The following WDFY4 variants were observed in gnomAD, a reference collection of about 807,000 sequenced individuals.
The protein encoded by WDFY4 is WDFY family member 4.
Under a neutral mutation model 351.9 loss-of-function variants are expected in WDFY4, and 169 were observed. The ratio of observed to expected loss-of-function variants is 0.48; its 90% CI spans 0.42 to 0.55. WDFY4 has a LOEUF of 0.55. WDFY4 is among the 20% of genes least tolerant of loss of function. The pLI is 0.00. For synonymous variants in WDFY4, 1,622 were observed against 1,574.6 expected (o/e 1.03, Z -0.71); for missense variants, 3,803 against 3,935.6 (o/e 0.97, Z 0.90).
chr10:48,914,717 C>T (rs1302044368), intron 47 of WDFY4, among the ~76,000 whole-genome samples: 2 of 152,170 alleles, frequency 1.3e-5, no homozygotes, highest in East Asian at 3.8e-4. Flanking sequence ...TTCTCACATC[C>T]CTCTTCCCCT....
At chr10:48,887,183 A>C (rs781108193) in intron 43 of WDFY4, among the ~76,000 whole-genome samples, 1 of 152,256 alleles carries the variant, frequency 6.6e-6, no homozygotes, top group Non-Finnish European at 1.5e-5. Context: ...ACCCTGGTGC[A>C]GGCACCATGG....
At chr10:48,931,031 A>T (rs1839966514) in intron 47 of WDFY4, among the ~76,000 whole-genome samples, 1 of 152,004 alleles carries the variant, frequency 6.6e-6, no homozygotes, top group Non-Finnish European at 1.5e-5. Flanking sequence ...CCTGCAACAG[A>T]TATAAAATCT....
At chr10:48,913,751 G>A (rs143092104) in intron 47 of WDFY4, 250 of 1,613,854 alleles carry the variant, frequency 1.5e-4, no homozygotes, top group African/African-American at 9.5e-4. Flanking sequence ...TGGTGGGCAC[G>A]CTGTCCAGGT....
intron 1 of WDFY4, among the ~76,000 whole-genome samples, chr10:48,707,159 A>G (rs1352838860): frequency 6.6e-6 from 1 of 152,230 alleles, no homozygotes; most frequent in East Asian, 1.9e-4. Context: ...GCTAACAGGC[A>G]TGTAAAGGGA....
At chr10:48,705,435 C>T (rs2063600969) in intron 1 of WDFY4, among the ~76,000 whole-genome samples, 1 of 152,160 alleles carries the variant, frequency 6.6e-6, no homozygotes, top group South Asian at 2.1e-4. Context: ...TCCCTTTTCA[C>T]CCTGGATAAG....
intron 51 of WDFY4, among the ~76,000 whole-genome samples, chr10:48,956,423 C>T (rs994465865): frequency 6.6e-6 from 1 of 152,172 alleles, no homozygotes; most frequent in Non-Finnish European, 1.5e-5. Context: ...CTCCTTCCTG[C>T]CCACGTCTCT....
At chr10:48,835,496 G>A (rs149579161) in intron 39 of WDFY4, among the ~76,000 whole-genome samples, 29 of 152,052 alleles carry the variant, frequency 1.9e-4, no homozygotes, top group African/African-American at 5.1e-4. Flanking sequence ...GGAGTCACCC[G>A]CAGCCACCCC....
intron 39 of WDFY4, among the ~76,000 whole-genome samples, chr10:48,857,068 G>A (rs896313288): frequency 5.9e-5 from 9 of 152,156 alleles, no homozygotes; most frequent in African/African-American, 1.9e-4. Flanking sequence ...AAATACTCAT[G>A]CCAATAACTG....
In WDFY4 at chr10:48,974,519, A is replaced by AAACAAC. The variant is rs1554824241; in HGVS notation, c.8929-341_8929-340insCAACAA. Among the ~76,000 whole-genome samples, 4 of 49,924 alleles carry AAACAAC rather than the reference A, an allele frequency of 8.0e-5. 1 individual carries two copies. Among genetic ancestry groups the AAACAAC allele is most frequent in the African/African-American group, 1.4e-4 (2 of 14,214 alleles). 32.8% of individuals were successfully genotyped at this position (49,924 alleles called of 152,430 possible). The stretch of plus-strand genomic sequence containing the variant: ...CTCCGTCTCAAAAAAAAAAAAAAAA[A>AAACAAC]AAAAAAAAAACAACTCATGACATGA... On this transcript the variant is annotated intron_variant, in intron 57 of 61. Coordinates refer to ENST00000325239, the MANE Select transcript of WDFY4 (RefSeq NM_001394531.1).
chr10:48,714,859 T>G (rs1392168613), intron 2 of WDFY4, among the ~76,000 whole-genome samples: 1 of 152,132 alleles, frequency 6.6e-6, no homozygotes. Context: ...AGATTAGAGG[T>G]GCTGTGAATG....
intron 41 of WDFY4, 145 bp from the exon 42 acceptor site, chr10:48,874,944 G>A: frequency 2.5e-6 from 1 of 406,576 alleles, no homozygotes; most frequent in East Asian, 4.0e-5. Context: ...AGGATTTAGT[G>A]TTTCTCTCCC....
intron 35 of WDFY4, 104 bp from the exon 36 acceptor site, chr10:48,826,567 A>G: frequency 1.2e-6 from 1 of 826,590 alleles, no homozygotes. Context: ...GCGGTAAGCC[A>G]TGTCACTTTT....
intron 1 of WDFY4, among the ~76,000 whole-genome samples, chr10:48,697,168 C>T (rs2132120666): frequency 6.6e-6 from 1 of 152,348 alleles, no homozygotes; most frequent in South Asian, 2.1e-4. Flanking sequence ...GCCTGGAACA[C>T]TCAGGTCTCA....
chr10:48,981,133 A>T (rs1424433786), intron 60 of WDFY4, among the ~76,000 whole-genome samples: 1 of 152,226 alleles, frequency 6.6e-6, no homozygotes, highest in Non-Finnish European at 1.5e-5. Flanking sequence ...TTGGTACACA[A>T]TGGATACCGA....
chr10:48,952,692 G>A (rs548833859), intron 51 of WDFY4, among the ~76,000 whole-genome samples: 2 of 152,204 alleles, frequency 1.3e-5, no homozygotes, highest in South Asian at 2.1e-4. Context: ...TGCAGGCAGC[G>A]TGGTTTCAGC....
At chr10:48,756,369 G>A (rs892283896) in intron 12 of WDFY4, among the ~76,000 whole-genome samples, 3 of 150,904 alleles carry the variant, frequency 2.0e-5, no homozygotes, top group African/African-American at 7.3e-5. Flanking sequence ...CTATTATTCT[G>A]AGACTGCTAA....
intron 34 of WDFY4, among the ~76,000 whole-genome samples, chr10:48,821,495 C>T (rs2067821931): frequency 6.6e-6 from 1 of 152,218 alleles, no homozygotes; most frequent in African/African-American, 2.4e-5. Context: ...ACCAAGATAC[C>T]ACAATTTAAC....
chr10:48,952,691 C>A (rs528974757), intron 51 of WDFY4, among the ~76,000 whole-genome samples: 2 of 151,974 alleles, frequency 1.3e-5, no homozygotes, highest in Admixed American at 6.5e-5. Flanking sequence ...ATGCAGGCAG[C>A]GTGGTTTCAG....
intron 43 of WDFY4, among the ~76,000 whole-genome samples, chr10:48,882,790 A>G (rs2070305421): frequency 6.6e-6 from 1 of 152,180 alleles, no homozygotes; most frequent in Admixed American, 6.5e-5. Flanking sequence ...TTTACAAGGG[A>G]TCTGCCCCCA....
Sources: gnomAD v4.1 joint callset for allele counts (sites outside exome capture counted in the v4.1 genomes callset) on GRCh38, gnomAD v4.1.1 for gene constraint, MANE v1.5 for transcripts, NCBI Gene and HGNC (gene_info 2026-07-23, HGNC 2026-07-21) for gene names.